PLXDC2: variants seen among roughly 807,000 people sequenced by gnomAD.
PLXDC2 encodes plexin domain containing 2, also known as plexin domain-containing protein 2.
A neutral mutation model predicts 68.9 loss-of-function variants in PLXDC2; 40 were observed. That is an observed-to-expected ratio of 0.58 (90% CI 0.45 to 0.76). The LOEUF (loss-of-function observed/expected upper bound fraction) is 0.76, where lower values mean the gene tolerates loss of function less well. Ranked by LOEUF, PLXDC2 falls within the 30% of genes least tolerant of loss-of-function variation. PLXDC2 has a pLI of 0.00. For missense variants in PLXDC2, 644 were observed against 661.9 expected, an observed-to-expected ratio of 0.97 and a Z score of 0.30; for synonymous variants, 243 against 234.2, an observed-to-expected ratio of 1.04 and a Z score of -0.34.
At chr10:20,249,508 G>C (rs1220458133) in intron 13 of PLXDC2, among the ~76,000 whole-genome samples, 1 of 152,042 alleles carries the variant, frequency 6.6e-6, no homozygotes, top group Admixed American at 6.5e-5. Flanking sequence ...GTGTTCCTTG[G>C]CTCATGGTTT....
intron 1 of PLXDC2, among the ~76,000 whole-genome samples, chr10:19,866,660 G>A (rs1263841925): frequency 6.6e-6 from 1 of 152,206 alleles, no homozygotes; most frequent in East Asian, 1.9e-4. Context: ...TTTGCAGCAA[G>A]AGAAAGTGAA....
intron 1 of PLXDC2, among the ~76,000 whole-genome samples, chr10:19,994,150 A>G (rs1424328583): frequency 1.3e-5 from 2 of 152,016 alleles, no homozygotes; most frequent in Non-Finnish European, 2.9e-5. Flanking sequence ...ATGAACTGCA[A>G]TCATAAGTGT....
intron 13 of PLXDC2, among the ~76,000 whole-genome samples, chr10:20,273,865 TAAAC>T (rs1269194965): frequency 6.6e-6 from 1 of 151,864 alleles, no homozygotes; most frequent in Non-Finnish European, 1.5e-5. Flanking sequence ...AATAAATAAA[TAAAC>T]AAATAAAAGT....
intron 1 of PLXDC2, among the ~76,000 whole-genome samples, chr10:19,881,041 C>T (rs552085332): frequency 4.7e-4 from 72 of 152,186 alleles, no homozygotes; most frequent in African/African-American, 1.6e-3. Context: ...CATCTTTGAA[C>T]GAGTTGAGGG....
At chr10:20,024,039 A>G (rs967424771) in intron 2 of PLXDC2, among the ~76,000 whole-genome samples, 7 of 152,150 alleles carry the variant, frequency 4.6e-5, no homozygotes, top group Admixed American at 4.6e-4. Context: ...GTATTGGTCA[A>G]TGTATTGGTC....
intron 1 of PLXDC2, among the ~76,000 whole-genome samples, chr10:19,867,835 G>A (rs868265578): frequency 6.6e-6 from 1 of 152,146 alleles, no homozygotes; most frequent in Admixed American, 6.6e-5. Context: ...AAAAAATATA[G>A]TGTGTATGTA....
intron 1 of PLXDC2, among the ~76,000 whole-genome samples, chr10:19,912,811 G>T (rs970350672): frequency 6.6e-6 from 1 of 152,038 alleles, no homozygotes; most frequent in Admixed American, 6.6e-5. Flanking sequence ...TCTTTCTCTA[G>T]CTAGACAGTG....
At chr10:20,037,909 C>T (rs566013844) in intron 2 of PLXDC2, among the ~76,000 whole-genome samples, 11 of 152,154 alleles carry the variant, frequency 7.2e-5, no homozygotes, top group Non-Finnish European at 1.2e-4. Context: ...TAAATTTACA[C>T]ACATACACAC....
intron 13 of PLXDC2, among the ~76,000 whole-genome samples, chr10:20,251,913 A>G (rs995885020): frequency 6.6e-6 from 1 of 151,914 alleles, no homozygotes; most frequent in Non-Finnish European, 1.5e-5. Context: ...TAGCCTTGGA[A>G]AATAGATTCT....
intron 9 of PLXDC2, among the ~76,000 whole-genome samples, chr10:20,187,009 G>A (rs1480332446): frequency 6.6e-6 from 1 of 151,822 alleles, no homozygotes; most frequent in African/African-American, 2.4e-5. Context: ...GTACTCAGCT[G>A]CCGGGTACCT....
Position 20,219,109 on chromosome 10 carries a change from A to G in PLXDC2, c.1312+7A>G, listed in dbSNP as rs377657616. 4 of 1,602,000 alleles carry G rather than the reference A, an allele frequency of 2.5e-6. No homozygotes were observed. In the African/African-American group the frequency reaches 5.4e-5, roughly 22 times the overall value. On this transcript the variant is annotated splice_region_variant and intron_variant, in intron 12 of 13. Transcript: ENST00000377252. The stretch of plus-strand genomic sequence containing the variant: ...CATCTAAAAGATAATGGAGGTAGGA[A>G]TTGATACTTTTCTTTCATAAACATC...
chr10:20,112,740 A>G (rs1833575082), intron 4 of PLXDC2, among the ~76,000 whole-genome samples: 1 of 152,246 alleles, frequency 6.6e-6, no homozygotes, highest in Non-Finnish European at 1.5e-5. Context: ...TATTCGAAAG[A>G]TAAGACCACA....
intron 2 of PLXDC2, among the ~76,000 whole-genome samples, chr10:20,014,255 C>G (rs1270313734): frequency 7.3e-6 from 1 of 137,552 alleles, no homozygotes; most frequent in Non-Finnish European, 1.5e-5. Flanking sequence ...CTTCCTCTCT[C>G]CCTCTCTCTT....
chr10:19,917,092 A>G (rs1039756369), intron 1 of PLXDC2, among the ~76,000 whole-genome samples: 3 of 152,172 alleles, frequency 2.0e-5, no homozygotes, highest in African/African-American at 7.2e-5. Context: ...ACAATATCTC[A>G]ACTCTTCTAG....
chr10:19,949,159 C>T (rs1303660231), intron 1 of PLXDC2, among the ~76,000 whole-genome samples: 4 of 144,302 alleles, frequency 2.8e-5, no homozygotes, highest in Non-Finnish European at 6.0e-5. Flanking sequence ...AATAGACATA[C>T]GTTATATATT....
At chr10:19,899,947 T>C (rs1006338459) in intron 1 of PLXDC2, among the ~76,000 whole-genome samples, 1 of 152,172 alleles carries the variant, frequency 6.6e-6, no homozygotes, top group Non-Finnish European at 1.5e-5. Context: ...TTTTCCTAGA[T>C]GGTTAGAGAA....
At chr10:20,163,155 T>C (rs967289504) in intron 6 of PLXDC2, among the ~76,000 whole-genome samples, 5 of 152,228 alleles carry the variant, frequency 3.3e-5, no homozygotes, top group African/African-American at 1.2e-4. Flanking sequence ...ACCAGAAGAC[T>C]AATTTATATT....
chr10:19,922,029 T>C (rs1481018806), intron 1 of PLXDC2, among the ~76,000 whole-genome samples: 5 of 152,246 alleles, frequency 3.3e-5, no homozygotes, highest in Non-Finnish European at 7.4e-5. Context: ...CGACTAATTT[T>C]TGTATTTTTA....
intron 1 of PLXDC2, among the ~76,000 whole-genome samples, chr10:19,861,530 C>T (rs189932050): frequency 1.1e-3 from 165 of 152,290 alleles, no homozygotes; most frequent in Non-Finnish European, 1.9e-3. Flanking sequence ...ATTCCAGTAA[C>T]CTTTTCAGCC....
Sources: allele counts gnomAD v4.1 joint callset (sites outside exome capture counted in the v4.1 genomes callset), GRCh38; gene constraint gnomAD v4.1.1; transcripts MANE v1.5; gene names NCBI Gene and HGNC (gene_info 2026-07-23, HGNC 2026-07-21).